The following GABRA6 variants were observed in gnomAD, a reference collection of about 807,000 sequenced individuals.
GABRA6 encodes the protein gamma-aminobutyric acid type A receptor subunit alpha6.
Under a neutral mutation model 47.3 loss-of-function variants are expected in GABRA6, and 45 were observed. The observed-to-expected ratio is 0.95, with a 90% CI of 0.75 to 1.22. The LOEUF is 1.22. GABRA6 is among the 50% of genes most tolerant of loss of function. GABRA6 has a pLI of 0.00. For synonymous variants in GABRA6, 219 were observed against 194.7 expected (o/e 1.12, Z -1.04); for missense variants, 583 against 549.3 (o/e 1.06, Z -0.61).
In GABRA6 at chr5:161,690,347, G is replaced by A; in HGVS notation, c.820G>A (p.Val274Ile). Reference protein sequence around the residue: ...INKESVPARTVFGITTVLTMT... With the variant: ...INKESVPARTIFGITTVLTMT... Reference sequence around the variant, plus strand: ...TAAGGAGTCCGTCCCAGCAAGAACTGTTTTTGGTATATGTCACATTTTGTA... The same window carrying A: ...TAAGGAGTCCGTCCCAGCAAGAACTATTTTTGGTATATGTCACATTTTGTA... The change falls in exon 7 of 9, where the codon GTT becomes ATT. Residue 274 changes from valine to isoleucine, a missense_variant. By Grantham distance (29) the Val-to-Ile change is conservative (BLOSUM62 3). Coordinates refer to ENST00000274545, the MANE Select transcript of GABRA6 (RefSeq NM_000811.3). The A allele has an allele frequency of 1.9e-6, 3 of 1,613,160 alleles. No individual in the cohort carries two copies. Among genetic ancestry groups the A allele is most frequent in the Non-Finnish European group, 2.5e-6 (3 of 1,179,766 alleles).
At chr5:161,701,411 T>C in intron 8 of GABRA6, 87 bp from the exon 9 acceptor site, 1 of 1,409,456 alleles carries the variant, frequency 7.1e-7, no homozygotes, top group South Asian at 1.2e-5. Context: ...TCAATAAATA[T>C]TTGTCAATGG....
At chr5:161,692,266 C>G in intron 8 of GABRA6, 66 bp downstream of exon 8, 1 of 1,593,966 alleles carries the variant, frequency 6.3e-7, no homozygotes, top group Non-Finnish European at 8.6e-7. Flanking sequence ...TGATCAGAAA[C>G]AACGAAAGTG....
chr5:161,691,255 G>T (rs1561725128), intron 7 of GABRA6, among the ~76,000 whole-genome samples: 1 of 144,968 alleles, frequency 6.9e-6, no homozygotes, highest in Non-Finnish European at 1.5e-5. Context: ...GGTAAAATTG[G>T]TCTGAAATTC....
chr5:161,697,989 G>A (rs1002800057), intron 8 of GABRA6, among the ~76,000 whole-genome samples: 8 of 151,946 alleles, frequency 5.3e-5, no homozygotes, highest in Admixed American at 1.3e-4. Flanking sequence ...ATTTAGAACC[G>A]GTACTTATAA....
chr5:161,690,191 C>T lies in GABRA6; in HGVS notation c.674-10C>T. ...GCAGTAATAATACTGATGTATGTGT[C>T]TTCCAACAGGTGAATACGTTATAAT... On this transcript the variant is annotated splice_polypyrimidine_tract_variant and intron_variant, in intron 6 of 8. Transcript: ENST00000274545. The T allele has an allele frequency of 1.9e-6, 3 of 1,612,852 alleles. No homozygotes were observed. Among genetic ancestry groups the T allele is most frequent in the Non-Finnish European group, 2.5e-6 (3 of 1,179,006 alleles).
At position 161,690,300 on chromosome 5, in the gene GABRA6, C is replaced by T; in HGVS notation, c.773C>T (p.Ser258Phe). Residue 258 changes from serine (S) to phenylalanine (F), a missense_variant, in exon 7 of 9, where the codon TCC becomes TTC. Physicochemically the swap from Ser to Phe is radical, Grantham distance 155. Transcript: ENST00000274545. Reference sequence around the variant, plus strand: ...CCTTGCATTATGACAGTCATTCTTTCCCAGGTGTCTTTCTGGATTAATAAG... The same window carrying T: ...CCTTGCATTATGACAGTCATTCTTTTCCAGGTGTCTTTCTGGATTAATAAG... ...YTPCIMTVIL[S>F]QVSFWINKES... The T allele has an allele frequency of 6.8e-6, 11 of 1,613,616 alleles. No homozygotes were observed. The highest frequency in any genetic ancestry group is 9.3e-6 in the Non-Finnish European group (11 of 1,179,684).
Position 161,690,205 on chromosome 5 carries a change from A to G in GABRA6, c.678A>G (p.Glu226=), listed in dbSNP as rs1754767692. ...SSETIKSNTG[E]YVIMTVYFHL... ...GATGTATGTGTCTTCCAACAGGTGA[A>G]TACGTTATAATGACAGTTTACTTCC... is the stretch of plus-strand genomic sequence containing the variant. Residue 226 remains glutamate (E), a synonymous_variant, in exon 7 of 9, where the codon GAA becomes GAG. Transcript: ENST00000274545. 1 of 1,613,598 alleles carries G rather than the reference A, an allele frequency of 6.2e-7. No individual in the cohort carries two copies.
intron 7 of GABRA6, 143 bp downstream of exon 7, chr5:161,690,496 C>A (rs1473817165): frequency 1.6e-5 from 14 of 883,400 alleles, no homozygotes; most frequent in Non-Finnish European, 2.5e-5. Context: ...ATGTATCATG[C>A]AAAATCACTG....
chr5:161,698,600 A>G (rs1019392557), intron 8 of GABRA6, among the ~76,000 whole-genome samples: 3 of 152,048 alleles, frequency 2.0e-5, no homozygotes, highest in Non-Finnish European at 2.9e-5. Flanking sequence ...CCTTTTTCTT[A>G]AATTCTTAAA....
In GABRA6 at chr5:161,687,095, G is replaced by A. The variant is rs561198136; in HGVS notation, c.225+92G>A. On this transcript the variant is annotated intron_variant, in intron 3 of 8. Transcript: ENST00000274545. ...GATAATGGGCATTGCCGCCAAGCTT[G>A]GCTCCAGATTCATGACACAATATTT... The A allele has an allele frequency of 6.7e-5, 68 of 1,011,462 alleles. No individual in the cohort carries two copies. The African/African-American group carries it at 1.0e-3, about 15-fold the overall frequency. The allele number at this position is 1,011,462 out of a possible 1,614,324, so 62.7% of individuals were successfully genotyped here.
chr5:161,696,703 G>A (rs187203732), intron 8 of GABRA6, among the ~76,000 whole-genome samples: 8 of 152,260 alleles, frequency 5.3e-5, no homozygotes, highest in Admixed American at 2.0e-4. Flanking sequence ...TAAGCTGTGT[G>A]TCTGTAGAAA....
At chr5:161,697,403 T>C (rs1019058696) in intron 8 of GABRA6, among the ~76,000 whole-genome samples, 1 of 152,230 alleles carries the variant, frequency 6.6e-6, no homozygotes, top group African/African-American at 2.4e-5. Flanking sequence ...CCTTGTTCTG[T>C]CAATTGCCAG....
chr5:161,692,301 C>A, intron 8 of GABRA6, 101 bp downstream of exon 8: 1 of 1,406,704 alleles, frequency 7.1e-7, no homozygotes, highest in Non-Finnish European at 1.0e-6. Context: ...GAGTTGAGCA[C>A]AGGTTATATA....
At chr5:161,700,294 G>A (rs1754958825) in intron 8 of GABRA6, among the ~76,000 whole-genome samples, 1 of 152,220 alleles carries the variant, frequency 6.6e-6, no homozygotes, top group Admixed American at 6.5e-5. Context: ...AGGCAGCAAA[G>A]TGGTGATTTT....
In GABRA6 at chr5:161,701,901, C is replaced by A; in HGVS notation, c.*128C>A. On this transcript the variant is annotated 3_prime_UTR_variant, in exon 9 of 9. Coordinates refer to ENST00000274545, the MANE Select transcript of GABRA6 (RefSeq NM_000811.3). ...GAAATCAAATTGGAAATCTGTAACG[C>A]AGCTTCCGTAAGCATGTGTGGGCAA... The A allele has an allele frequency of 2.0e-6, 2 of 1,021,228 alleles. No individual in the cohort carries two copies. Among genetic ancestry groups the A allele is most frequent in the Non-Finnish European group, 1.5e-6 (1 of 669,442 alleles). 63.3% of individuals were successfully genotyped at this position (1,021,228 alleles called of 1,614,324 possible).
intron 7 of GABRA6, among the ~76,000 whole-genome samples, chr5:161,690,990 A>G (rs1244932230): frequency 1.3e-5 from 2 of 152,124 alleles, no homozygotes; most frequent in Non-Finnish European, 2.9e-5. Context: ...CTAAGTTAAA[A>G]TAGATTTTTT....
At chr5:161,692,277 T>C in intron 8 of GABRA6, 77 bp downstream of exon 8, 1 of 1,569,042 alleles carries the variant, frequency 6.4e-7, no homozygotes, top group Non-Finnish European at 8.8e-7. Context: ...AACGAAAGTG[T>C]CCAAAAGTAA....
At chr5:161,689,880 C>T in intron 6 of GABRA6, 101 bp downstream of exon 6, 2 of 1,280,912 alleles carry the variant, frequency 1.6e-6, no homozygotes, top group Non-Finnish European at 2.3e-6. Flanking sequence ...CCATTCTCAG[C>T]TAAGCATGCT....
chr5:161,689,310 A>G lies in GABRA6; in HGVS notation c.503A>G (p.His168Arg). The G allele has an allele frequency of 6.2e-7, 1 of 1,614,036 alleles. No homozygotes were observed. The highest frequency in any genetic ancestry group is 1.1e-5 in the South Asian group (1 of 91,080). Residue 168 changes from histidine (H) to arginine (R), a missense_variant, in exon 5 of 9, where the codon CAT becomes CGT. His to Arg is a conservative substitution (Grantham distance 29). Coordinates refer to ENST00000274545, the MANE Select transcript of GABRA6 (RefSeq NM_000811.3). ...CTGGTTAACTTTCCTATGGATGGGC[A>G]TGCTTGTCCACTCAAGTTTGGGAGC... ...MRLVNFPMDG[H>R]ACPLKFGSYA...
Sources: allele counts gnomAD v4.1 joint callset (sites outside exome capture counted in the v4.1 genomes callset), GRCh38; gene constraint gnomAD v4.1.1; transcripts MANE v1.5; gene names NCBI Gene and HGNC (gene_info 2026-07-23, HGNC 2026-07-21).